The following ZNF276 variants were observed in gnomAD, a reference collection of about 807,000 sequenced individuals.
ZNF276 encodes zinc finger protein 276, also known as centromere protein Z.
ZNF276 carries 59 observed loss-of-function variants against 63.9 expected under a neutral mutation model. The ratio of observed to expected loss-of-function variants is 0.92; its 90% confidence interval spans 0.75 to 1.15. The LOEUF (loss-of-function observed/expected upper bound fraction) is 1.15, where lower values mean the gene tolerates loss of function less well. Ranked by LOEUF, ZNF276 falls within the 50% of genes most tolerant of loss-of-function variation. The pLI is 0.00. For missense variants in ZNF276, 1,084 were observed against 843.8 expected (o/e 1.28, Z -3.53); for synonymous variants, 496 against 348.4 (o/e 1.42, Z -4.72).
At chr16:89,734,305 C>T (rs1280701189) in intron 9 of ZNF276, among the ~76,000 whole-genome samples, 1 of 146,942 alleles carries the variant, frequency 6.8e-6, no homozygotes, top group Admixed American at 7.0e-5. Flanking sequence ...TCTTGGTGTC[C>T]TTTTGCAAAT....
At chr16:89,733,589 G>A in intron 8 of ZNF276, 32 bp downstream of exon 8, 1 of 1,611,402 alleles carries the variant, frequency 6.2e-7, no homozygotes, top group Non-Finnish European at 8.5e-7. Context: ...CCCAGGCCCG[G>A]CAGCTGTCAG....
In ZNF276 at chr16:89,723,393, C is replaced by G; in HGVS notation, c.690C>G (p.Val230=). 1 of 1,612,972 alleles carries G rather than the reference C, an allele frequency of 6.2e-7. No homozygotes were observed. The highest frequency in any genetic ancestry group is 8.5e-7 in the Non-Finnish European group (1 of 1,180,002). Residue 230 remains valine (V), a synonymous_variant, in exon 4 of 11, where the codon GTC becomes GTG. Transcript: ENST00000443381. ...LSSEYCGVIQ[V]VWGCDQGHDY... ...CCGAGTACTGCGGCGTCATCCAGGT[C>G]GTGTGGGGCTGCGACCAGGGCCACG... is the stretch of plus-strand genomic sequence containing the variant.
upstream of ZNF276, chr16:89,721,350 A>G: frequency 3.3e-6 from 1 of 306,770 alleles, no homozygotes; most frequent in Admixed American, 5.1e-5. Context: ...CCCTCCGCCC[A>G]CCGCCCCGCC....
At chr16:89,727,399 C>T (rs1221114875) in intron 5 of ZNF276, 42 bp downstream of exon 5, 1 of 1,591,494 alleles carries the variant, frequency 6.3e-7, no homozygotes, top group Non-Finnish European at 8.6e-7. Context: ...ATTTCTCCTT[C>T]AAAAACCATC....
intron 9 of ZNF276, 141 bp downstream of exon 9, chr16:89,734,179 G>A (rs757122237): frequency 2.3e-4 from 156 of 675,386 alleles, no homozygotes; most frequent in Non-Finnish European, 3.4e-4. Context: ...ACTCAGTCAC[G>A]TTGGTAGATG....
Position 89,740,461 on chromosome 16 carries a change from C to T in ZNF276, c.*2215C>T, listed in dbSNP as rs982288006. 8.7e-6 allele frequency: 4 copies of T among 457,904 alleles called. No individual in the cohort carries two copies. The highest frequency in any genetic ancestry group is 2.0e-5 in the African/African-American group (1 of 50,944). The allele number at this position is 457,904 out of a possible 1,614,324, so 28.4% of individuals were successfully genotyped here. A position where few individuals can be genotyped will look rare whatever the true frequency, so the allele number is the denominator to read the frequency against. On this transcript the variant is annotated 3_prime_UTR_variant, in exon 11 of 11. Transcript: ENST00000443381. ...GACCAGCCTGGCAATATGGTGAAAC[C>T]CCGTCTCTACTAAAAATACAAAAAT...
In ZNF276 at chr16:89,738,298, T is replaced by G. The variant is rs1598046866; in HGVS notation, c.*52T>G. ...AGCAGCCTGGACTCCGCAGTGGCTG[T>G]GTCAGCCTCACCCTTCGTGTGCACC... On this transcript the variant is annotated 3_prime_UTR_variant, in exon 11 of 11. Transcript: ENST00000443381. The G allele has an allele frequency of 1.3e-6, 2 of 1,538,478 alleles. No individual in the cohort carries two copies. The highest frequency in any genetic ancestry group is 1.7e-6 in the Non-Finnish European group (2 of 1,143,136).
chr16:89,727,177 C>T, intron 4 of ZNF276, 102 bp from the exon 5 acceptor site: 1 of 1,210,654 alleles, frequency 8.3e-7, no homozygotes, highest in Non-Finnish European at 1.2e-6. Context: ...TCAGGGACCC[C>T]AGTCTCCCTT....
rs529748804 is a variant in ZNF276 at position 89,738,559 on chromosome 16, T to A, written c.*313T>A. 49 of 1,612,356 alleles carry A rather than the reference T, an allele frequency of 3.0e-5. No individual in the cohort carries two copies. Among genetic ancestry groups the A allele is most frequent in the Admixed American group, 1.5e-4 (9 of 60,028 alleles). ...GCTCCATGTTATGCTTGTAATAAAT[T>A]ATTTACACGGGAGCTGGGCTGGTGT... On this transcript the variant is annotated 3_prime_UTR_variant, in exon 11 of 11. Transcript: ENST00000443381.
chr16:89,720,695 C>T (rs2061238420), upstream of ZNF276: 8 of 1,320,364 alleles, frequency 6.1e-6, no homozygotes, highest in Non-Finnish European at 6.8e-6. Flanking sequence ...CCGTCCTCGC[C>T]CTCCCCGGGC....
In ZNF276 at chr16:89,740,192, C is replaced by T. The variant is rs2062093843; in HGVS notation, c.*1946C>T. 5 of 1,005,092 alleles carry T rather than the reference C, an allele frequency of 5.0e-6. No individual in the cohort carries two copies. Among genetic ancestry groups the T allele is most frequent in the Non-Finnish European group, 8.0e-6 (5 of 626,304 alleles). 62.3% of individuals were successfully genotyped at this position (1,005,092 alleles called of 1,614,324 possible). ...CCCTCAGCACAGAAGAGGGCATTTC[C>T]TCTTTGCTTATTGTAAGTCTTAAAA... is the stretch of plus-strand genomic sequence containing the variant. On this transcript the variant is annotated 3_prime_UTR_variant, in exon 11 of 11. Coordinates refer to ENST00000443381, the MANE Select transcript of ZNF276 (RefSeq NM_001113525.2).
rs747111023 is a variant in ZNF276, at chr16:89,739,010, A to G, written c.*764A>G. 6.2e-7 allele frequency: 1 copy of G among 1,614,022 alleles called. No homozygotes were observed. The highest frequency in any genetic ancestry group is 1.1e-5 in the South Asian group (1 of 91,070). ...AACAGGCAAACTCACAGGTTAGAAGACATACAGAAACAGGGCTGGTGTGTC... is the reference window on the plus strand; with the variant it reads ...AACAGGCAAACTCACAGGTTAGAAGGCATACAGAAACAGGGCTGGTGTGTC... On this transcript the variant is annotated 3_prime_UTR_variant, in exon 11 of 11. Transcript: ENST00000443381.
chr16:89,722,135 G>C (rs2061309565), intron 1 of ZNF276, among the ~76,000 whole-genome samples: 1 of 152,160 alleles, frequency 6.6e-6, no homozygotes, highest in Non-Finnish European at 1.5e-5. Flanking sequence ...CCGCGCGTGG[G>C]AATCGCCCTC....
At chr16:89,732,774 A>C (rs867833679) in intron 6 of ZNF276, 4 of 171,744 alleles carry the variant, frequency 2.3e-5, no homozygotes, top group Admixed American at 7.4e-5. Context: ...TGCTGTGTTC[A>C]CCCTGACCCT....
chr16:89,739,698 C>G lies in ZNF276; in HGVS notation c.*1452C>G, dbSNP rs145860920. 5.9e-4 allele frequency: 897 copies of G among 1,513,912 alleles called. 2 individuals are homozygous for G. In the African/African-American group the frequency reaches 0.011, roughly 19 times the overall value. The allele number at this position is 1,513,912 out of a possible 1,614,324, so 93.8% of individuals were successfully genotyped here. ...GGCGAACAGCCTGAGCTGAGGATACCCAGGTACCTGTCAGCAGCTGGGAGA... is the reference window on the plus strand; with the variant it reads ...GGCGAACAGCCTGAGCTGAGGATACGCAGGTACCTGTCAGCAGCTGGGAGA... On this transcript the variant is annotated 3_prime_UTR_variant, in exon 11 of 11. Coordinates refer to ENST00000443381, the MANE Select transcript of ZNF276 (RefSeq NM_001113525.2).
Position 89,740,818 on chromosome 16 carries a change from G to GT in ZNF276, c.*2573dup, listed in dbSNP as rs1555534521. ...GTCTGACTTACATTTGAGGTCAGAT[G>GT]TGACGACAGCAGGCCCATCAAGGAG... is the stretch of plus-strand genomic sequence containing the variant. On this transcript the variant is annotated 3_prime_UTR_variant, in exon 11 of 11. Transcript: ENST00000443381. The GT allele has an allele frequency of 6.2e-7, 1 of 1,613,536 alleles. No homozygotes were observed. The highest frequency in any genetic ancestry group is 1.3e-5 in the African/African-American group (1 of 74,904).
Position 89,738,077 on chromosome 16 carries a change from G to A in ZNF276, c.1676G>A (p.Cys559Tyr). The A allele has an allele frequency of 6.2e-7, 1 of 1,614,102 alleles. No individual in the cohort carries two copies. Among genetic ancestry groups the A allele is most frequent in the Non-Finnish European group, 8.5e-7 (1 of 1,180,044 alleles). ...ETELDFACDQ[C>Y]GRRFEKAHNL... ...GAGCTGGACTTTGCCTGTGACCAGTGTGGCCGGCGGTTTGAGAAGGCCCAC... is the reference window on the plus strand; with the variant it reads ...GAGCTGGACTTTGCCTGTGACCAGTATGGCCGGCGGTTTGAGAAGGCCCAC... The change falls in exon 11 of 11, where the codon TGT becomes TAT. Residue 559 changes from cysteine to tyrosine, a missense_variant. By Grantham distance (194) the Cys-to-Tyr change is radical (BLOSUM62 -2). Transcript: ENST00000443381.
Position 89,721,539 on chromosome 16 carries a change from C to T in ZNF276, c.-102C>T, listed in dbSNP as rs1185128229. 9 of 1,231,008 alleles carry T rather than the reference C, an allele frequency of 7.3e-6. No individual in the cohort carries two copies. Among genetic ancestry groups the T allele is most frequent in the South Asian group, 4.5e-5 (3 of 66,052 alleles). 76.3% of individuals were successfully genotyped at this position (1,231,008 alleles called of 1,614,324 possible). A position where few individuals can be genotyped will look rare whatever the true frequency, so the allele number is the denominator to read the frequency against. ...GCTTCTCGCTCCGCCCCTCCCCCGC[C>T]CCGCCTCGCTTCCAGCGCGCCGAGC... is the stretch of plus-strand genomic sequence containing the variant. On this transcript the variant is annotated 5_prime_UTR_variant, in exon 1 of 11. Coordinates refer to ENST00000443381, the MANE Select transcript of ZNF276 (RefSeq NM_001113525.2).
In ZNF276 at chr16:89,738,464, T is replaced by C; in HGVS notation, c.*218T>C. 2 of 1,450,106 alleles carry C rather than the reference T, an allele frequency of 1.4e-6. No homozygotes were observed. The highest frequency in any genetic ancestry group is 1.2e-5 in the South Asian group (1 of 83,442). 89.8% of individuals were successfully genotyped at this position (1,450,106 alleles called of 1,614,324 possible). On this transcript the variant is annotated 3_prime_UTR_variant, in exon 11 of 11. Coordinates refer to ENST00000443381, the MANE Select transcript of ZNF276 (RefSeq NM_001113525.2). ...GAGTGACTCGGGGCCGGACAGTTCA[T>C]AAATAATTGATTCCTTTCCCCACTA...
Sources: allele counts gnomAD v4.1 joint callset (sites outside exome capture counted in the v4.1 genomes callset), GRCh38; gene constraint gnomAD v4.1.1; transcripts MANE v1.5; gene names NCBI Gene and HGNC (gene_info 2026-07-23, HGNC 2026-07-21).